The following SCAI variants were observed in gnomAD, a reference collection of about 807,000 sequenced individuals.
SCAI encodes the protein suppressor of cancer cell invasion.
Under a neutral mutation model 92.2 loss-of-function variants are expected in SCAI, and 24 were observed. The observed-to-expected ratio is 0.26, with a 90% CI of 0.19 to 0.37. The LOEUF is 0.37. SCAI is among the 10% of genes least tolerant of loss of function. The pLI is 1.00. For missense variants in SCAI, 450 were observed against 736.2 expected, an observed-to-expected ratio of 0.61 and a Z score of 4.50; for synonymous variants, 261 against 258.6, an observed-to-expected ratio of 1.01 and a Z score of -0.09.
At position 124,995,027 on chromosome 9, in the gene SCAI, A is replaced by G. The variant is rs746089212; in HGVS notation, c.1245-12T>C. 1.3e-6 allele frequency: 2 copies of G among 1,590,302 alleles called. No individual in the cohort carries two copies. Among genetic ancestry groups the G allele is most frequent in the South Asian group, 2.3e-5 (2 of 88,790 alleles). On this transcript the variant is annotated splice_polypyrimidine_tract_variant and intron_variant, in intron 13 of 17. Coordinates refer to ENST00000336505, the MANE Select transcript of SCAI (RefSeq NM_001144877.3). Reference sequence around the variant, plus strand: ...CCCCGGGATGAAGGCTGGGAAAACAACAACGAAGAACTGTTAAACTGTGTC... The same window carrying G: ...CCCCGGGATGAAGGCTGGGAAAACAGCAACGAAGAACTGTTAAACTGTGTC...
intron 17 of SCAI, among the ~76,000 whole-genome samples, chr9:124,960,257 C>A (rs1831412094): frequency 6.6e-6 from 1 of 152,152 alleles, no homozygotes; most frequent in South Asian, 2.1e-4. Context: ...AAGACAGGAA[C>A]TCCCTCTCTC....
intron 4 of SCAI, among the ~76,000 whole-genome samples, 154 bp downstream of exon 4, chr9:125,029,490 A>G (rs1002572811): frequency 2.0e-4 from 30 of 152,202 alleles, no homozygotes; most frequent in Non-Finnish European, 4.4e-4. Flanking sequence ...TAAAGATGAA[A>G]TATGTTATTT....
At chr9:125,069,509 G>A (rs557760641) in intron 2 of SCAI, among the ~76,000 whole-genome samples, 116 of 151,288 alleles carry the variant, frequency 7.7e-4, no homozygotes, top group Non-Finnish European at 2.4e-4. Context: ...TAGTAGAGAC[G>A]GGGTTTCACC....
chr9:125,095,383 G>A (rs979152115), intron 2 of SCAI, among the ~76,000 whole-genome samples: 5 of 152,136 alleles, frequency 3.3e-5, no homozygotes, highest in Admixed American at 6.5e-5. Flanking sequence ...CTGCTTTCTG[G>A]AGCCCCTAAC....
intron 2 of SCAI, among the ~76,000 whole-genome samples, chr9:125,066,846 T>C (rs1833881525): frequency 6.6e-6 from 1 of 152,200 alleles, no homozygotes; most frequent in African/African-American, 2.4e-5. Flanking sequence ...TTTAGATATG[T>C]TTGGATATAC....
intron 2 of SCAI, among the ~76,000 whole-genome samples, chr9:125,140,216 A>G (rs7024854): frequency 0.23 from 35,637 of 151,772 alleles, 4,709 homozygotes; most frequent in Non-Finnish European, 0.3. Context: ...GTCTCAGAAG[A>G]AAAATAAAAA....
chr9:125,037,173 G>A (rs1833214466), intron 3 of SCAI, among the ~76,000 whole-genome samples: 2 of 151,952 alleles, frequency 1.3e-5, no homozygotes, highest in Admixed American at 6.6e-5. Flanking sequence ...GGAGGCTGAG[G>A]CAGGAGAATT....
rs1341920293 is a variant in SCAI at position 125,115,084 on chromosome 9, T to C, written c.98+27549A>G. Among the ~76,000 whole-genome samples, 3 of 152,074 alleles carry C rather than the reference T, an allele frequency of 2.0e-5. No individual in the cohort carries two copies. In the East Asian group the frequency reaches 5.8e-4, roughly 30 times the overall value. On this transcript the variant is annotated intron_variant, in intron 2 of 17. Transcript: ENST00000336505. Reference sequence around the variant, plus strand: ...TTCTGCACCTGGCCTAAAGAAACTCTTGAAGCAGCCGGGCGCGGTGGTTCA... The same window carrying C: ...TTCTGCACCTGGCCTAAAGAAACTCCTGAAGCAGCCGGGCGCGGTGGTTCA...
intron 2 of SCAI, among the ~76,000 whole-genome samples, chr9:125,136,160 G>A (rs1284002608): frequency 6.7e-6 from 1 of 150,116 alleles, no homozygotes; most frequent in African/African-American, 2.5e-5. Context: ...GCCCAGGCTG[G>A]AGTGCAGTGG....
intron 14 of SCAI, among the ~76,000 whole-genome samples, chr9:124,992,910 A>G (rs141675844): frequency 2.9e-4 from 44 of 152,366 alleles, no homozygotes; most frequent in African/African-American, 1.1e-3. Flanking sequence ...GTCGGCATCC[A>G]ACATTCATCC....
At chr9:125,090,353 G>T (rs1834406363) in intron 2 of SCAI, among the ~76,000 whole-genome samples, 2 of 151,388 alleles carry the variant, frequency 1.3e-5, no homozygotes, top group Admixed American at 1.3e-4. Context: ...GAGGAGAGAG[G>T]AGGAGGAAGA....
At chr9:125,084,900 C>T (rs928056886) in intron 2 of SCAI, among the ~76,000 whole-genome samples, 2 of 152,154 alleles carry the variant, frequency 1.3e-5, no homozygotes, top group African/African-American at 4.8e-5. Context: ...GATATACATA[C>T]ACTGGATGTG....
intron 2 of SCAI, among the ~76,000 whole-genome samples, chr9:125,120,565 C>T (rs555121121): frequency 3.9e-5 from 6 of 152,070 alleles, no homozygotes; most frequent in South Asian, 2.1e-4. Context: ...TGGTGGCAGG[C>T]GCCTGTAATC....
At chr9:125,026,733 T>C (rs1409096435) in intron 6 of SCAI, 79 bp downstream of exon 6, 2 of 751,856 alleles carry the variant, frequency 2.7e-6, no homozygotes, top group Non-Finnish European at 4.4e-6. Flanking sequence ...TAAAAATGTA[T>C]GCTTTTCCAC....
At chr9:125,107,195 G>A (rs1834818779) in intron 2 of SCAI, among the ~76,000 whole-genome samples, 1 of 151,978 alleles carries the variant, frequency 6.6e-6, no homozygotes, top group African/African-American at 2.4e-5. Flanking sequence ...AGGATCACAA[G>A]GTCAGGAGAT....
At chr9:124,964,344 C>G (rs929463277) in intron 17 of SCAI, among the ~76,000 whole-genome samples, 1 of 152,192 alleles carries the variant, frequency 6.6e-6, no homozygotes, top group Non-Finnish European at 1.5e-5. Flanking sequence ...TCACTCCCCA[C>G]CCTTTTTGCC....
intron 2 of SCAI, among the ~76,000 whole-genome samples, chr9:125,129,308 G>A (rs1461749005): frequency 2.0e-5 from 3 of 150,716 alleles, no homozygotes; most frequent in Non-Finnish European, 4.4e-5. Flanking sequence ...AGGAGTGGTG[G>A]TGCACGCCTG....
At chr9:124,979,985 G>C (rs2131599316) in intron 14 of SCAI, among the ~76,000 whole-genome samples, 1 of 151,536 alleles carries the variant, frequency 6.6e-6, no homozygotes, top group African/African-American at 2.4e-5. Context: ...GGGAGGCAGA[G>C]GTTGCAGTGA....
intron 2 of SCAI, among the ~76,000 whole-genome samples, chr9:125,127,277 C>T (rs1472251993): frequency 6.6e-6 from 1 of 152,166 alleles, no homozygotes; most frequent in East Asian, 1.9e-4. Context: ...CCACCCTTCT[C>T]CTGGTACCTC....
Sources: gnomAD v4.1 joint callset for allele counts (sites outside exome capture counted in the v4.1 genomes callset) on GRCh38, gnomAD v4.1.1 for gene constraint, MANE v1.5 for transcripts, NCBI Gene and HGNC (gene_info 2026-07-23, HGNC 2026-07-21) for gene names.